Variants in CCDC148 observed in about 807,000 individuals in gnomAD.
CCDC148 encodes coiled-coil domain containing 148.
In CCDC148, 89 loss-of-function variants were observed where a neutral mutation model predicts 85.7. That is an observed-to-expected ratio of 1.04 (90% CI 0.87 to 1.24). The LOEUF is 1.24. CCDC148 is among the 50% of genes most tolerant of loss of function. The probability of loss-of-function intolerance (pLI) is 0.00; values close to 1 mark genes in which losing one functional copy is unlikely to be tolerated. For missense variants in CCDC148, 692 were observed against 671.7 expected, an observed-to-expected ratio of 1.03 and a Z score of -0.33; for synonymous variants, 230 against 213.9, an observed-to-expected ratio of 1.08 and a Z score of -0.66.
At chr2:158,179,062 C>A in intron 11 of CCDC148, 66 bp from the exon 12 acceptor site, 1 of 1,206,430 alleles carries the variant, frequency 8.3e-7, no homozygotes. Context: ...GTACAGAAAA[C>A]AGCATAGGGG....
chr2:158,381,752 T>C (rs1178630003), intron 1 of CCDC148, among the ~76,000 whole-genome samples: 2 of 152,018 alleles, frequency 1.3e-5, no homozygotes, highest in Non-Finnish European at 1.5e-5. Context: ...TAGCCGAGTG[T>C]GGTGTTGCAT....
intron 9 of CCDC148, among the ~76,000 whole-genome samples, chr2:158,267,043 G>A (rs1689496520): frequency 6.6e-6 from 1 of 151,500 alleles, no homozygotes; most frequent in Non-Finnish European, 1.5e-5. Flanking sequence ...ACAAACATAT[G>A]AAGCCCTAGC....
At chr2:158,229,824 T>A (rs539350297) in intron 10 of CCDC148, among the ~76,000 whole-genome samples, 2 of 152,276 alleles carry the variant, frequency 1.3e-5, no homozygotes, top group Non-Finnish European at 2.9e-5. Context: ...CATAATTTTA[T>A]CCCATTGCAA....
At chr2:158,305,022 A>G (rs1045170683) in intron 9 of CCDC148, among the ~76,000 whole-genome samples, 6 of 152,170 alleles carry the variant, frequency 3.9e-5, no homozygotes, top group Admixed American at 2.0e-4. Context: ...TTTTCTCCAT[A>G]GATCTCACAG....
chr2:158,444,216 C>T (rs538461182), intron 1 of CCDC148, among the ~76,000 whole-genome samples: 55 of 150,858 alleles, frequency 3.6e-4, no homozygotes, highest in African/African-American at 1.3e-3. Context: ...TATATATATA[C>T]AGCAAACATG....
At chr2:158,443,404 T>C (rs1688019744) in intron 1 of CCDC148, among the ~76,000 whole-genome samples, 1 of 148,342 alleles carries the variant, frequency 6.7e-6, no homozygotes, top group African/African-American at 2.5e-5. Context: ...CTTAGCAGGC[T>C]GAGATGGCGG....
chr2:158,394,557 T>A (rs1685446319), intron 1 of CCDC148, among the ~76,000 whole-genome samples: 1 of 151,958 alleles, frequency 6.6e-6, no homozygotes, highest in Non-Finnish European at 1.5e-5. Context: ...TGTCAGGGAA[T>A]TCTGAGTACT....
rs541258168 is a variant in CCDC148, at chr2:158,446,273, C to A, written c.25+10142G>T. Among the ~76,000 whole-genome samples, 14 of 152,128 alleles carry A rather than the reference C, an allele frequency of 9.2e-5. No homozygotes were observed. In the South Asian group the frequency reaches 2.5e-3, roughly 27 times the overall value. On this transcript the variant is annotated intron_variant, in intron 1 of 13. Coordinates refer to ENST00000283233, the MANE Select transcript of CCDC148 (RefSeq NM_138803.4). ...AGGAGGCTGAGGCAGGATTGCTTGA[C>A]CCCAGGAGTTTGAGGCTGCAGTGAA...
At chr2:158,386,672 T>C (rs1386046439) in intron 1 of CCDC148, among the ~76,000 whole-genome samples, 2 of 152,124 alleles carry the variant, frequency 1.3e-5, no homozygotes, top group Admixed American at 6.6e-5. Context: ...CAAGCTAGTT[T>C]TGTCTACCTC....
intron 1 of CCDC148, among the ~76,000 whole-genome samples, chr2:158,431,447 AT>A (rs771640685): frequency 3.3e-4 from 50 of 151,920 alleles, no homozygotes; most frequent in Non-Finnish European, 6.3e-4. Context: ...GTCAAAAAAA[AT>A]GACAGAACAT....
At chr2:158,180,719 T>C (rs1197470379) in intron 11 of CCDC148, among the ~76,000 whole-genome samples, 1 of 152,056 alleles carries the variant, frequency 6.6e-6, no homozygotes. Context: ...TAGGAAGACA[T>C]GCTCCTGGGG....
chr2:158,293,062 G>T (rs552414212), intron 9 of CCDC148, among the ~76,000 whole-genome samples: 34 of 152,198 alleles, frequency 2.2e-4, no homozygotes, highest in African/African-American at 8.2e-4. Context: ...TAACAAACCT[G>T]CACATTGTGC....
chr2:158,238,040 G>C (rs1183101123), intron 10 of CCDC148, among the ~76,000 whole-genome samples: 1 of 151,560 alleles, frequency 6.6e-6, no homozygotes, highest in Non-Finnish European at 1.5e-5. Flanking sequence ...GTGCGACATT[G>C]CTGGAGCGGA....
chr2:158,268,297 G>A (rs575519608), intron 9 of CCDC148, among the ~76,000 whole-genome samples: 3 of 152,116 alleles, frequency 2.0e-5, no homozygotes, highest in East Asian at 1.9e-4. Flanking sequence ...GTTGATTTAC[G>A]CCCTCTTATA....
intron 11 of CCDC148, among the ~76,000 whole-genome samples, chr2:158,202,372 A>C (rs1686012941): frequency 6.6e-6 from 1 of 152,246 alleles, no homozygotes; most frequent in African/African-American, 2.4e-5. Flanking sequence ...CAATCAGATG[A>C]GAATGGTGTC....
chr2:158,247,015 C>G (rs1226116947), intron 10 of CCDC148, among the ~76,000 whole-genome samples: 2 of 152,126 alleles, frequency 1.3e-5, no homozygotes, highest in East Asian at 3.9e-4. Context: ...GTTTAATAAC[C>G]TTGATTACTT....
rs546921444 is a variant in CCDC148, at chr2:158,193,488, T to C, written c.1371-14492A>G. ...GCACCAAAAGCTCACAGTATTTTTT[T>C]TTAAGCATCAAAAAGCCTTGCTCCT... On this transcript the variant is annotated intron_variant, in intron 11 of 13. Transcript: ENST00000283233. Among the ~76,000 whole-genome samples, 4 of 152,044 alleles carry C rather than the reference T, an allele frequency of 2.6e-5. No homozygotes were observed. The South Asian group carries it at 8.3e-4, about 32-fold the overall frequency.
chr2:158,402,469 C>T (rs1472140846), intron 1 of CCDC148, among the ~76,000 whole-genome samples: 2 of 151,232 alleles, frequency 1.3e-5, no homozygotes, highest in South Asian at 4.2e-4. Flanking sequence ...CCTGGACCAG[C>T]ATAGCTAAAG....
chr2:158,280,900 A>T (rs906750064), intron 9 of CCDC148, among the ~76,000 whole-genome samples: 3 of 152,194 alleles, frequency 2.0e-5, no homozygotes, highest in Non-Finnish European at 4.4e-5. Context: ...CAGCAAATGT[A>T]AAAGAACAGA....
Sources: allele counts gnomAD v4.1 joint callset (sites outside exome capture counted in the v4.1 genomes callset), GRCh38; gene constraint gnomAD v4.1.1; transcripts MANE v1.5; gene names NCBI Gene and HGNC (gene_info 2026-07-23, HGNC 2026-07-21).